The following EYA4 variants were observed in gnomAD, a reference collection of about 807,000 sequenced individuals.
EYA4 encodes EYA transcriptional coactivator and phosphatase 4.
In EYA4, 31 loss-of-function variants were observed where a neutral mutation model predicts 87.9. The observed-to-expected ratio is 0.35, with a 90% CI of 0.27 to 0.48. EYA4 has a LOEUF of 0.48. Among genes scored for constraint, EYA4 ranks in the 20% least tolerant of loss-of-function variants. The pLI, the probability that EYA4 is intolerant of heterozygous loss-of-function variation, is 0.99. For missense variants in EYA4, 678 were observed against 761.4 expected (o/e 0.89, Z 1.29); for synonymous variants, 263 against 270.6 (o/e 0.97, Z 0.28).
intron 2 of EYA4, among the ~76,000 whole-genome samples, chr6:133,308,880 A>G (rs985888046): frequency 1.3e-5 from 2 of 152,176 alleles, no homozygotes; most frequent in African/African-American, 4.8e-5. Context: ...AGAAACTTAA[A>G]TACAACTATG....
In EYA4 at chr6:133,246,137, G is replaced by A. The variant is rs916694889; in HGVS notation, c.-66+4388G>A. On this transcript the variant is annotated intron_variant, in intron 1 of 19. Transcript: ENST00000355286. Reference sequence around the variant, plus strand: ...AGAGAGTGCACCTCTGAGTCTCACTGTAACCTTTTTTGTCATTGAAAGGTG... The same window carrying A: ...AGAGAGTGCACCTCTGAGTCTCACTATAACCTTTTTTGTCATTGAAAGGTG... 2.0e-5 allele frequency among the ~76,000 whole-genome samples: 3 copies of A among 152,236 alleles called. No homozygotes were observed. The East Asian group carries it at 5.8e-4, about 29-fold the overall frequency.
chr6:133,450,466 T>C (rs1362269047), intron 5 of EYA4, among the ~76,000 whole-genome samples: 1 of 152,234 alleles, frequency 6.6e-6, no homozygotes, highest in Non-Finnish European at 1.5e-5. Flanking sequence ...TTAATAGCTT[T>C]TCAAGATCAT....
intron 3 of EYA4, among the ~76,000 whole-genome samples, chr6:133,441,238 T>C (rs543566643): frequency 6.6e-6 from 1 of 152,342 alleles, no homozygotes; most frequent in East Asian, 1.9e-4. Flanking sequence ...TGGTCCTTTC[T>C]TTTGCAATGT....
chr6:133,339,125 T>C (rs1782597751), intron 2 of EYA4, among the ~76,000 whole-genome samples: 1 of 152,214 alleles, frequency 6.6e-6, no homozygotes, highest in Admixed American at 6.5e-5. Context: ...AAGTTATTAT[T>C]GATGAAATCA....
chr6:133,358,692 A>T (rs9375959), intron 2 of EYA4, among the ~76,000 whole-genome samples: 2 of 152,106 alleles, frequency 1.3e-5, no homozygotes, highest in Admixed American at 6.5e-5. Context: ...GTTGAGTGCT[A>T]TTCTGCTCCA....
intron 13 of EYA4, among the ~76,000 whole-genome samples, chr6:133,495,395 T>TATAA (rs980613981): frequency 6.7e-6 from 1 of 148,182 alleles, no homozygotes; most frequent in African/African-American, 2.4e-5. Context: ...TTCATTTATT[T>TATAA]ATAAATAAAT....
intron 3 of EYA4, among the ~76,000 whole-genome samples, chr6:133,440,791 T>A (rs1792198057): frequency 6.6e-6 from 1 of 152,076 alleles, no homozygotes; most frequent in South Asian, 2.1e-4. Flanking sequence ...GAATGGAGAG[T>A]TGTGAATGTC....
At chr6:133,301,452 A>G (rs1297370541) in intron 2 of EYA4, among the ~76,000 whole-genome samples, 2 of 152,136 alleles carry the variant, frequency 1.3e-5, no homozygotes, top group African/African-American at 4.8e-5. Context: ...GGATTCCCGG[A>G]TGCCTTTTAT....
chr6:133,325,274 C>A (rs2184784), intron 2 of EYA4: 38,836 of 151,934 alleles, frequency 0.26, 6,536 homozygotes, highest in East Asian at 0.49. Context: ...GATGAAGTGT[C>A]CATTGTGGCA....
intron 1 of EYA4, among the ~76,000 whole-genome samples, chr6:133,252,539 T>C (rs1012387122): frequency 1.3e-5 from 2 of 152,204 alleles, no homozygotes; most frequent in African/African-American, 4.8e-5. Context: ...TAAGTAAATT[T>C]GACTGTTGTT....
chr6:133,387,251 A>G (rs559581600), intron 3 of EYA4, among the ~76,000 whole-genome samples: 1 of 152,336 alleles, frequency 6.6e-6, no homozygotes, highest in African/African-American at 2.4e-5. Flanking sequence ...TTATTGCAGT[A>G]CTTCCGGAAG....
At chr6:133,418,951 C>T (rs1342747541) in intron 3 of EYA4, among the ~76,000 whole-genome samples, 4 of 152,070 alleles carry the variant, frequency 2.6e-5, no homozygotes, top group Admixed American at 2.6e-4. Flanking sequence ...ATATAATGCC[C>T]TGTTCTCTCC....
chr6:133,462,889 C>T, intron 9 of EYA4, 125 bp downstream of exon 9: 1 of 885,190 alleles, frequency 1.1e-6, no homozygotes, highest in Non-Finnish European at 1.8e-6. Context: ...CACACAATTT[C>T]TAAAGAAAGA....
intron 18 of EYA4, among the ~76,000 whole-genome samples, chr6:133,524,779 A>T (rs1488959708): frequency 6.6e-6 from 1 of 152,174 alleles, no homozygotes; most frequent in Non-Finnish European, 1.5e-5. Flanking sequence ...AAACATACTA[A>T]TATTTTCTCT....
chr6:133,412,187 A>G (rs970325562), intron 3 of EYA4, among the ~76,000 whole-genome samples: 2 of 152,258 alleles, frequency 1.3e-5, no homozygotes, highest in Non-Finnish European at 2.9e-5. Flanking sequence ...AAGATAATAT[A>G]TAGATATATA....
chr6:133,261,895 A>G (rs1169148906), intron 1 of EYA4, among the ~76,000 whole-genome samples: 1 of 152,250 alleles, frequency 6.6e-6, no homozygotes, highest in African/African-American at 2.4e-5. Context: ...AAATGTTATT[A>G]AAAGCCCTAT....
intron 11 of EYA4, among the ~76,000 whole-genome samples, chr6:133,476,586 CTTTT>C (rs1163016884): frequency 3.3e-5 from 5 of 152,036 alleles, no homozygotes; most frequent in African/African-American, 9.7e-5. Context: ...ACAGGATTTT[CTTTT>C]TTAAGGCCAA....
chr6:133,463,428 T>C lies in EYA4; in HGVS notation c.724+664T>C, dbSNP rs1010889580. 1.6e-4 allele frequency among the ~76,000 whole-genome samples: 24 copies of C among 150,960 alleles called. No individual in the cohort carries two copies. The Admixed American group carries it at 1.6e-3, about 10-fold the overall frequency. ...AGGCTGGAGTGCAATGGCATGATCT[T>C]GGCTAACTTGCAACCTCCACCTCCT... On this transcript the variant is annotated intron_variant, in intron 9 of 19. Coordinates refer to ENST00000355286, the MANE Select transcript of EYA4 (RefSeq NM_004100.5).
At chr6:133,338,842 A>T (rs865943017) in intron 2 of EYA4, among the ~76,000 whole-genome samples, 1 of 90,708 alleles carries the variant, frequency 1.1e-5, no homozygotes, top group Non-Finnish European at 2.1e-5. Context: ...ATTATCACCA[A>T]TTGCTTCTTT....
Sources: allele counts gnomAD v4.1 joint callset (sites outside exome capture counted in the v4.1 genomes callset), GRCh38; gene constraint gnomAD v4.1.1; transcripts MANE v1.5; gene names NCBI Gene and HGNC (gene_info 2026-07-23, HGNC 2026-07-21).